The following PDZRN3 variants were observed in gnomAD, a reference collection of about 807,000 sequenced individuals.
PDZRN3 encodes PDZ domain containing ring finger 3.
Under a neutral mutation model 85.7 loss-of-function variants are expected in PDZRN3, and 38 were observed. The observed-to-expected ratio is 0.44, with a 90% CI of 0.34 to 0.58. The LOEUF (loss-of-function observed/expected upper bound fraction) is 0.58. PDZRN3 is among the 20% of genes least tolerant of loss of function. The pLI is 0.01. For synonymous variants in PDZRN3, 759 were observed against 638.0 expected, an observed-to-expected ratio of 1.19 and a Z score of -2.86; for missense variants, 1,629 against 1,506.4, an observed-to-expected ratio of 1.08 and a Z score of -1.35.
intron 3 of PDZRN3, among the ~76,000 whole-genome samples, chr3:73,430,904 G>C (rs956989842): frequency 6.6e-6 from 1 of 152,048 alleles, no homozygotes; most frequent in East Asian, 1.9e-4. Context: ...GTACTCAAAG[G>C]TACTCAAGAC....
At chr3:73,420,581 A>G in intron 3 of PDZRN3, among the ~76,000 whole-genome samples, 1 of 152,214 alleles carries the variant, frequency 6.6e-6, no homozygotes, top group East Asian at 1.9e-4. Flanking sequence ...CAAGAAAATG[A>G]TGTAGCACCA....
chr3:73,426,514 AAAC>A (rs1257198398), intron 3 of PDZRN3, among the ~76,000 whole-genome samples: 2 of 152,214 alleles, frequency 1.3e-5, no homozygotes, highest in Admixed American at 6.5e-5. Context: ...TTCTCAAACA[AAAC>A]AATTTATTTT....
At position 73,624,255 on chromosome 3, in the gene PDZRN3, C is replaced by A. The variant is rs751063473; in HGVS notation, c.571G>T (p.Ala191Ser). The change falls in exon 1 of 10, where the codon GCT becomes TCT. Residue 191 changes from alanine (A) to serine (S), a missense_variant. Physicochemically the swap from Ala to Ser is moderately conservative, Grantham distance 99 (BLOSUM62 1). Coordinates refer to ENST00000263666, the MANE Select transcript of PDZRN3 (RefSeq NM_015009.3). ...ACCAGCGACTTCTCGCGCTTCCCAG[C>A]GCGCAGCGCCTCCTTCTTGAGCGCC... Reference protein sequence around the residue: ...HKALKKEALRAGKREKSLVAQ... With the variant: ...HKALKKEALRSGKREKSLVAQ... The A allele has an allele frequency of 4.2e-6, 6 of 1,443,736 alleles. No individual in the cohort carries two copies. The African/African-American group carries it at 8.9e-5, about 21-fold the overall frequency. The allele number at this position is 1,443,736 out of a possible 1,614,324, so 89.4% of individuals were successfully genotyped here.
rs112248704 is a variant in PDZRN3, at chr3:73,578,391, C to T, written c.918+23963G>A. The stretch of plus-strand genomic sequence containing the variant: ...TTCACTGTGTTAGCCAGGATGGTCT[C>T]GATCTCCTGACCTCGTGATCCGCCA... On this transcript the variant is annotated intron_variant, in intron 3 of 9. Transcript: ENST00000263666. Among the ~76,000 whole-genome samples, 1,213 of 152,166 alleles carry T rather than the reference C, an allele frequency of 8.0e-3. 8 individuals are homozygous for T. Among genetic ancestry groups the T allele is most frequent in the Non-Finnish European group, 0.014 (924 of 68,010 alleles).
intron 3 of PDZRN3, among the ~76,000 whole-genome samples, chr3:73,585,667 A>G (rs1702266264): frequency 6.6e-6 from 1 of 152,194 alleles, no homozygotes; most frequent in Admixed American, 6.5e-5. Flanking sequence ...TGGAAGATGG[A>G]TGGAAATTCT....
chr3:73,624,863 G>A lies in PDZRN3; in HGVS notation c.-38C>T. 2 of 1,266,556 alleles carry A rather than the reference G, an allele frequency of 1.6e-6. No homozygotes were observed. The highest frequency in any genetic ancestry group is 2.9e-5 in the South Asian group (1 of 34,574). 78.5% of individuals were successfully genotyped at this position (1,266,556 alleles called of 1,614,324 possible). ...GCCCCGGGGTCGCCGCCGGGCGGCC[G>A]GGCGCCCCCTCCCTCCCCACGAGGC... On this transcript the variant is annotated 5_prime_UTR_variant, in exon 1 of 10. Transcript: ENST00000263666.
intron 3 of PDZRN3, among the ~76,000 whole-genome samples, chr3:73,554,798 T>C (rs1218639640): frequency 6.6e-6 from 1 of 152,260 alleles, no homozygotes; most frequent in Non-Finnish European, 1.5e-5. Flanking sequence ...GAAGTTACTG[T>C]CCATGATGAT....
Position 73,624,559 on chromosome 3 carries a change from G to A in PDZRN3, c.267C>T (p.Cys89=). 6.6e-7 allele frequency: 1 copy of A among 1,525,560 alleles called. No homozygotes were observed. Among genetic ancestry groups the A allele is most frequent in the Non-Finnish European group, 8.8e-7 (1 of 1,142,032 alleles). The allele number at this position is 1,525,560 out of a possible 1,614,324, so 94.5% of individuals were successfully genotyped here. A position where few individuals can be genotyped will look rare whatever the true frequency, so the allele number is the denominator to read the frequency against. ...GCTGCTGCAGCTTGACCACCCGGCC[G>A]CAGCCGCGCGTCGCGTACGCGCACT... The part of the protein sequence containing the change: ...DIKCAYATRG[C]GRVVKLQQLP... The change falls in exon 1 of 10, where the codon TGC becomes TGT. Residue 89 remains cysteine (C), a synonymous_variant. Transcript: ENST00000263666.
chr3:73,558,248 TCTGGAAAGTCAG>T (rs1462685395), intron 3 of PDZRN3, among the ~76,000 whole-genome samples: 11 of 149,912 alleles, frequency 7.3e-5, no homozygotes, highest in African/African-American at 2.4e-4. Context: ...CAGGAGCATA[TCTGGAAAGTCAG>T]CAGGGAGATA....
chr3:73,391,228 T>C, intron 5 of PDZRN3, 112 bp from the exon 6 acceptor site: 1 of 747,736 alleles, frequency 1.3e-6, no homozygotes, highest in Non-Finnish European at 2.4e-6. Context: ...TTCTTTGCAT[T>C]CAACTGTGTA....
intron 3 of PDZRN3, among the ~76,000 whole-genome samples, chr3:73,520,885 G>A (rs1384986116): frequency 6.6e-6 from 1 of 152,176 alleles, no homozygotes; most frequent in East Asian, 1.9e-4. Context: ...ACAACTACAA[G>A]CAAGGATAAC....
chr3:73,599,196 C>A (rs1286215815), intron 3 of PDZRN3, among the ~76,000 whole-genome samples: 1 of 152,158 alleles, frequency 6.6e-6, no homozygotes, highest in East Asian at 1.9e-4. Flanking sequence ...TAAAGCAACC[C>A]AAGTGTCCAT....
intron 3 of PDZRN3, among the ~76,000 whole-genome samples, chr3:73,540,031 C>T (rs560205575): frequency 8.6e-4 from 121 of 141,146 alleles, no homozygotes; most frequent in African/African-American, 3.2e-3. Flanking sequence ...CAGGAAGTGC[C>T]GTGTCTCTAA....
intron 3 of PDZRN3, among the ~76,000 whole-genome samples, chr3:73,469,143 G>A (rs56281799): frequency 0.023 from 3,522 of 150,278 alleles, 61 homozygotes; most frequent in Non-Finnish European, 0.038. Flanking sequence ...GCACAATCTC[G>A]GCTCACTGCA....
At chr3:73,492,009 C>T (rs1703779904) in intron 3 of PDZRN3, among the ~76,000 whole-genome samples, 3 of 152,110 alleles carry the variant, frequency 2.0e-5, no homozygotes, top group South Asian at 4.1e-4. Context: ...TGCTTCTTCA[C>T]ACCCCACCCT....
chr3:73,529,270 C>T (rs537216898), intron 3 of PDZRN3, among the ~76,000 whole-genome samples: 21 of 152,094 alleles, frequency 1.4e-4, no homozygotes, highest in Non-Finnish European at 2.5e-4. Flanking sequence ...GGAAAGAGAC[C>T]GTGCAAGTGT....
At chr3:73,591,540 T>A (rs1702356497) in intron 3 of PDZRN3, among the ~76,000 whole-genome samples, 1 of 152,136 alleles carries the variant, frequency 6.6e-6, no homozygotes. Context: ...TGAAACTGTG[T>A]CATATAGCCG....
intron 3 of PDZRN3, among the ~76,000 whole-genome samples, chr3:73,528,202 T>G (rs1704569779): frequency 6.6e-6 from 1 of 152,210 alleles, no homozygotes; most frequent in South Asian, 2.1e-4. Context: ...TGCAGGTATT[T>G]TGAGCAGCTG....
chr3:73,560,702 G>A (rs1308807290), intron 3 of PDZRN3, among the ~76,000 whole-genome samples: 1 of 152,180 alleles, frequency 6.6e-6, no homozygotes, highest in African/African-American at 2.4e-5. Flanking sequence ...CTTTGCATCA[G>A]CATCAGATTA....
Sources: gnomAD v4.1 joint callset for allele counts (sites outside exome capture counted in the v4.1 genomes callset) on GRCh38, gnomAD v4.1.1 for gene constraint, MANE v1.5 for transcripts, NCBI Gene and HGNC (gene_info 2026-07-23, HGNC 2026-07-21) for gene names.